The following RBMS3 variants were observed in gnomAD, a reference collection of about 807,000 sequenced individuals.
RBMS3 encodes RNA binding motif single stranded interacting protein 3, also known as RNA-binding motif, single-stranded-interacting protein 3.
Under a neutral mutation model 66.8 loss-of-function variants are expected in RBMS3, and 27 were observed. That is an observed-to-expected ratio of 0.40 (90% confidence interval 0.30 to 0.56). RBMS3 has a LOEUF of 0.56. RBMS3 is among the 20% of genes least tolerant of loss of function. The probability of loss-of-function intolerance (pLI) is 0.40; values close to 1 mark genes in which losing one functional copy is unlikely to be tolerated. For synonymous variants in RBMS3, 188 were observed against 183.0 expected (o/e 1.03, Z -0.22); for missense variants, 513 against 549.5 (o/e 0.93, Z 0.66).
chr3:29,597,779 A>C (rs1005379665), intron 4 of RBMS3, among the ~76,000 whole-genome samples: 15 of 152,102 alleles, frequency 9.9e-5, no homozygotes, highest in African/African-American at 3.6e-4. Flanking sequence ...TAGCAATATC[A>C]TACCTTTCTA....
chr3:29,428,503 T>A (rs1218073555), intron 1 of RBMS3, among the ~76,000 whole-genome samples: 6 of 151,798 alleles, frequency 4.0e-5, no homozygotes, highest in African/African-American at 1.2e-4. Context: ...TATAAAAAAA[T>A]TGTTAAATAA....
At chr3:29,553,455 G>A (rs2046242294) in intron 3 of RBMS3, among the ~76,000 whole-genome samples, 1 of 152,044 alleles carries the variant, frequency 6.6e-6, no homozygotes, top group Non-Finnish European at 1.5e-5. Flanking sequence ...TAGACAGAGG[G>A]GATCAGGTCT....
chr3:29,719,658 C>T (rs1576609570), intron 4 of RBMS3, among the ~76,000 whole-genome samples: 1 of 152,246 alleles, frequency 6.6e-6, no homozygotes, highest in Non-Finnish European at 1.5e-5. Flanking sequence ...ACATTTGGCC[C>T]TCCATCTTCT....
intron 2 of RBMS3, among the ~76,000 whole-genome samples, chr3:29,461,367 C>G (rs1393360017): frequency 6.6e-6 from 1 of 152,224 alleles, no homozygotes; most frequent in Non-Finnish European, 1.5e-5. Flanking sequence ...CTTGCTCACC[C>G]TTACCTTTGC....
At chr3:29,686,445 G>C (rs531080712) in intron 4 of RBMS3, among the ~76,000 whole-genome samples, 67 of 152,296 alleles carry the variant, frequency 4.4e-4, no homozygotes, top group African/African-American at 1.5e-3. Flanking sequence ...ACATTTTGGG[G>C]AAGATGAAAT....
chr3:29,833,769 G>T (rs1399304166), intron 6 of RBMS3, among the ~76,000 whole-genome samples: 1 of 152,044 alleles, frequency 6.6e-6, no homozygotes, highest in African/African-American at 2.4e-5. Flanking sequence ...CTTATTTAAA[G>T]AAATAATGGC....
At chr3:29,740,746 GT>G (rs2054600896) in intron 5 of RBMS3, among the ~76,000 whole-genome samples, 1 of 152,136 alleles carries the variant, frequency 6.6e-6, no homozygotes, top group Admixed American at 6.5e-5. Flanking sequence ...TTGCAGACAA[GT>G]TTGTTCATCT....
At chr3:29,628,867 A>G (rs1282993477) in intron 4 of RBMS3, among the ~76,000 whole-genome samples, 6 of 152,124 alleles carry the variant, frequency 3.9e-5, no homozygotes, top group Non-Finnish European at 8.8e-5. Context: ...CACAATTAGA[A>G]TCTAATTCTA....
intron 4 of RBMS3, among the ~76,000 whole-genome samples, chr3:29,695,617 C>T (rs1364854517): frequency 2.6e-5 from 4 of 152,106 alleles, no homozygotes; most frequent in African/African-American, 9.7e-5. Flanking sequence ...AGGCAGCCCT[C>T]ATTTAACAAT....
intron 14 of RBMS3, among the ~76,000 whole-genome samples, chr3:29,994,238 G>C (rs950919169): frequency 1.3e-5 from 2 of 152,170 alleles, no homozygotes; most frequent in African/African-American, 4.8e-5. Flanking sequence ...AAAAAATGGC[G>C]CACCACAAGA....
rs752184864 is a variant in RBMS3 at position 29,281,773 on chromosome 3, G to T, written c.75+17G>T. On this transcript the variant is annotated intron_variant, in intron 1 of 14. Transcript: ENST00000383767. ...CAAACCAAGGTATGGCTTGACCCAC[G>T]GTCTGGCGATCAGCGTGGTATCGTT... The T allele has an allele frequency of 2.5e-6, 4 of 1,599,206 alleles. No homozygotes were observed. Among genetic ancestry groups the T allele is most frequent in the Non-Finnish European group, 3.4e-6 (4 of 1,167,580 alleles).
At chr3:29,637,065 C>G (rs925694516) in intron 4 of RBMS3, among the ~76,000 whole-genome samples, 3 of 151,868 alleles carry the variant, frequency 2.0e-5, no homozygotes, top group African/African-American at 7.2e-5. Flanking sequence ...ATAGGAGCAT[C>G]CTGCCTTTTA....
intron 8 of RBMS3, among the ~76,000 whole-genome samples, chr3:29,884,475 C>CA (rs2059821404): frequency 2.0e-5 from 2 of 100,524 alleles, no homozygotes; most frequent in Non-Finnish European, 3.9e-5. Context: ...TCTCTCCCCC[C>CA]CCGCTCCCTC....
chr3:29,684,109 C>G (rs2051612814), intron 4 of RBMS3, among the ~76,000 whole-genome samples: 1 of 152,110 alleles, frequency 6.6e-6, no homozygotes, highest in Admixed American at 6.5e-5. Flanking sequence ...TCTCTTTTGA[C>G]TATTGCATTA....
At chr3:29,720,865 CTG>C (rs1433478879) in intron 4 of RBMS3, among the ~76,000 whole-genome samples, 1 of 152,018 alleles carries the variant, frequency 6.6e-6, no homozygotes, top group Non-Finnish European at 1.5e-5. Context: ...CTGTCATTGT[CTG>C]GGGCTAATGA....
Position 30,007,658 on chromosome 3 carries a change from C to T in RBMS3, c.*3796C>T, listed in dbSNP as rs1699840718. The T allele has an allele frequency of 6.6e-6, 1 of 152,040 alleles. No homozygotes were observed. The highest frequency in any genetic ancestry group is 2.4e-5 in the African/African-American group (1 of 41,416). 9.4% of individuals were successfully genotyped at this position (152,040 alleles called of 1,614,324 possible). A position where few individuals can be genotyped will look rare whatever the true frequency, so the allele number is the denominator to read the frequency against. On this transcript the variant is annotated 3_prime_UTR_variant, in exon 15 of 15. Transcript: ENST00000383767. Reference sequence around the variant, plus strand: ...CCAAGTGAACTGAAGGTCATACTGGCAGGTGCTGATGACAGTTTGTCCTTG... The same window carrying T: ...CCAAGTGAACTGAAGGTCATACTGGTAGGTGCTGATGACAGTTTGTCCTTG...
chr3:29,702,473 C>T (rs1186151065), intron 4 of RBMS3, among the ~76,000 whole-genome samples: 1 of 152,214 alleles, frequency 6.6e-6, no homozygotes, highest in Non-Finnish European at 1.5e-5. Context: ...CTGGCAGTGG[C>T]AACCCGCCGG....
chr3:29,499,247 C>T (rs1320875934), intron 3 of RBMS3, among the ~76,000 whole-genome samples: 1 of 151,792 alleles, frequency 6.6e-6, no homozygotes, highest in Non-Finnish European at 1.5e-5. Flanking sequence ...GGTCAATCAT[C>T]ATTTGCTTTG....
At chr3:29,403,625 AATC>A (rs2039899419) in intron 1 of RBMS3, among the ~76,000 whole-genome samples, 1 of 152,198 alleles carries the variant, frequency 6.6e-6, no homozygotes, top group Middle Eastern at 3.4e-3. Context: ...GAACTGTCGG[AATC>A]ACTGGAAAGA....
Sources: allele counts gnomAD v4.1 joint callset (sites outside exome capture counted in the v4.1 genomes callset), GRCh38; gene constraint gnomAD v4.1.1; transcripts MANE v1.5; gene names NCBI Gene and HGNC (gene_info 2026-07-23, HGNC 2026-07-21).